The following MTIF2 variants were observed in gnomAD, a reference collection of about 807,000 sequenced individuals.
MTIF2 encodes translation initiation factor IF-2, mitochondrial.
In MTIF2, 71 loss-of-function variants were observed where a neutral mutation model predicts 83.5. The observed-to-expected ratio is 0.85, with a 90% CI of 0.70 to 1.04. The LOEUF is 1.04. Among genes scored for constraint, MTIF2 ranks in the 50% least tolerant of loss-of-function variants. The pLI, the probability that MTIF2 is intolerant of heterozygous loss-of-function variation, is 0.00. For synonymous variants in MTIF2, 319 were observed against 287.1 expected (o/e 1.11, Z -1.12); for missense variants, 957 against 846.5 (o/e 1.13, Z -1.62).
Position 55,260,258 on chromosome 2 carries a change from G to A in MTIF2, c.331+2058C>T, listed in dbSNP as rs538883502. Among the ~76,000 whole-genome samples the A allele has an allele frequency of 4.6e-5, 7 of 152,156 alleles. No homozygotes were observed. In the South Asian group the frequency reaches 1.2e-3, roughly 27 times the overall value. ...CTACTAAAAATACAAAATTAGCCGG[G>A]CGTGGTGGCACATGCCTGTAATCCC... On this transcript the variant is annotated intron_variant, in intron 5 of 15. Transcript: ENST00000263629.
chr2:55,260,182 C>G (rs945012183), intron 5 of MTIF2, among the ~76,000 whole-genome samples: 1 of 151,910 alleles, frequency 6.6e-6, no homozygotes, highest in Admixed American at 6.6e-5. Context: ...GGCGGATCAC[C>G]TGAGGTCGGG....
At chr2:55,245,759 A>T (rs1268963469) in intron 10 of MTIF2, among the ~76,000 whole-genome samples, 1 of 151,896 alleles carries the variant, frequency 6.6e-6, no homozygotes, top group African/African-American at 2.4e-5. Context: ...TTTAAAAAAA[A>T]AATAATTTCT....
intron 3 of MTIF2, among the ~76,000 whole-genome samples, chr2:55,265,129 G>C (rs940571820): frequency 6.6e-6 from 1 of 151,404 alleles, no homozygotes; most frequent in Non-Finnish European, 1.5e-5. Flanking sequence ...TGCAATCCCA[G>C]CTACCCAGAA....
Position 55,243,414 on chromosome 2 carries a change from A to T in MTIF2, c.1564+2T>A. ...TGTAATGTAAAATCTTTAAAAAGATACCTTTAATAATCACAGAAAGTACAT... is the reference window on the plus strand; with the variant it reads ...TGTAATGTAAAATCTTTAAAAAGATTCCTTTAATAATCACAGAAAGTACAT... On this transcript the variant is annotated splice_donor_variant, in intron 12 of 15. Transcript: ENST00000263629. LOFTEE classifies it high-confidence loss of function. 1.3e-6 allele frequency: 2 copies of T among 1,590,920 alleles called. No individual in the cohort carries two copies. The highest frequency in any genetic ancestry group is 1.7e-6 in the Non-Finnish European group (2 of 1,166,072).
At position 55,243,012 on chromosome 2, in the gene MTIF2, C is replaced by T; in HGVS notation, c.1633G>A (p.Glu545Lys). Residue 545 changes from glutamate (E) to lysine (K), a missense_variant, in exon 13 of 16, where the codon GAA becomes AAA. Coordinates refer to ENST00000263629, the MANE Select transcript of MTIF2 (RefSeq NM_002453.3). ...ACTCCAAAATGTACTAATTCTAGTT[C>T]ACACTCGTGTGAAGCATCATAGGTA... ...IDTYDASHEC[E>K]LELVHFGVGD... The T allele has an allele frequency of 6.2e-7, 1 of 1,613,180 alleles. No homozygotes were observed. The highest frequency in any genetic ancestry group is 1.3e-5 in the African/African-American group (1 of 75,014).
At chr2:55,265,520 GT>G (rs1359676788) in intron 3 of MTIF2, among the ~76,000 whole-genome samples, 2 of 151,206 alleles carry the variant, frequency 1.3e-5, no homozygotes, top group East Asian at 1.9e-4. Flanking sequence ...TCATTTTAAG[GT>G]TTTTTTTGTT....
chr2:55,255,770 G>A (rs893656920), intron 5 of MTIF2, among the ~76,000 whole-genome samples: 2 of 152,036 alleles, frequency 1.3e-5, no homozygotes, highest in African/African-American at 2.4e-5. Context: ...CTGAAACAGT[G>A]TCACCTCATT....
At position 55,256,301 on chromosome 2, in the gene MTIF2, T is replaced by C. The variant is rs530682102; in HGVS notation, c.332-1476A>G. On this transcript the variant is annotated intron_variant, in intron 5 of 15. Transcript: ENST00000263629. ...TAGTATGTACAGACATACACACATATACACACACACACACACACACACACA... is the reference window on the plus strand; with the variant it reads ...TAGTATGTACAGACATACACACATACACACACACACACACACACACACACA... Among the ~76,000 whole-genome samples the C allele has an allele frequency of 5.2e-3, 780 of 150,076 alleles. 4 individuals carry two copies. Among genetic ancestry groups the C allele is most frequent in the Non-Finnish European group, 6.5e-3 (439 of 67,436 alleles).
chr2:55,258,500 C>A (rs959732634), intron 5 of MTIF2, among the ~76,000 whole-genome samples: 2 of 151,956 alleles, frequency 1.3e-5, no homozygotes, highest in African/African-American at 4.8e-5. Context: ...GAAACCCCAT[C>A]TCTACCAAAA....
intron 3 of MTIF2, 115 bp from the exon 4 acceptor site, chr2:55,263,980 A>G (rs1406199188): frequency 1.3e-6 from 1 of 769,142 alleles, no homozygotes. Context: ...ACTTACAACA[A>G]TGAGTAAAAC....
chr2:55,243,921 T>C lies in MTIF2; in HGVS notation c.1311+108A>G, dbSNP rs755478105. ...CACAACTTGCATCCTCACAGCCCCT[T>C]ATAATCTAGATTTGTTAACATTAAT... On this transcript the variant is annotated intron_variant, in intron 11 of 15. Transcript: ENST00000263629. 5.7e-5 allele frequency: 61 copies of C among 1,071,352 alleles called. 1 individual carries two copies. Among genetic ancestry groups the C allele is most frequent in the Non-Finnish European group, 7.8e-5 (60 of 766,366 alleles). 66.4% of individuals were successfully genotyped at this position (1,071,352 alleles called of 1,614,324 possible). A position where few individuals can be genotyped will look rare whatever the true frequency, so the allele number is the denominator to read the frequency against.
At chr2:55,266,253 G>A (rs576681821) in intron 3 of MTIF2, 1 of 152,278 alleles carries the variant, frequency 6.6e-6, no homozygotes, top group African/African-American at 2.4e-5. Flanking sequence ...GCCAGGCGCA[G>A]TGGCTCATGC....
At position 55,266,175 on chromosome 2, in the gene MTIF2, G is replaced by A. The variant is rs542841911; in HGVS notation, c.-8+1394C>T. On this transcript the variant is annotated intron_variant, in intron 3 of 15. Transcript: ENST00000263629. ...TGGAAATTATGAACTATTTCAATGC[G>A]TTTACCTTAACCATATAAAGCTATC... is the stretch of plus-strand genomic sequence containing the variant. Among the ~76,000 whole-genome samples the A allele has an allele frequency of 4.6e-5, 7 of 152,074 alleles. No individual in the cohort carries two copies. In the East Asian group the frequency reaches 5.8e-4, roughly 13 times the overall value.
Position 55,238,502 on chromosome 2 carries a change from C to T in MTIF2, c.1871-1074G>A, listed in dbSNP as rs552471808. Reference sequence around the variant, plus strand: ...CGCCTCCTGGGTTCAAGCGATTCTCCTGCCTCAGCCTCCCAAGTAGCTGGG... The same window carrying T: ...CGCCTCCTGGGTTCAAGCGATTCTCTTGCCTCAGCCTCCCAAGTAGCTGGG... On this transcript the variant is annotated intron_variant, in intron 14 of 15. Coordinates refer to ENST00000263629, the MANE Select transcript of MTIF2 (RefSeq NM_002453.3). 3.0e-3 allele frequency among the ~76,000 whole-genome samples: 451 copies of T among 151,640 alleles called. 3 individuals are homozygous for T. The highest frequency in any genetic ancestry group is 0.011 in the African/African-American group (439 of 41,366).
Position 55,240,082 on chromosome 2 carries a change from T to A in MTIF2, c.1799A>T (p.Tyr600Phe). The stretch of plus-strand genomic sequence containing the variant: ...CTCTTGCAAATCTTCAACAAGACGG[T>A]AAATTATTTTGTGAAGTTTAATTTT... ...GVKIKLHKII[Y>F]RLVEDLQEEL... Residue 600 changes from tyrosine to phenylalanine, a missense_variant, in exon 14 of 16, where the codon TAC becomes TTC. This residue lies in a region of MTIF2 where 221 missense variants were observed against 180.6 expected (regional missense o/e 1.22). Coordinates refer to ENST00000263629, the MANE Select transcript of MTIF2 (RefSeq NM_002453.3). 6.2e-7 allele frequency: 1 copy of A among 1,613,888 alleles called. No individual in the cohort carries two copies.
At chr2:55,245,799 G>C (rs1465719754) in intron 10 of MTIF2, among the ~76,000 whole-genome samples, 1 of 152,110 alleles carries the variant, frequency 6.6e-6, no homozygotes, top group Non-Finnish European at 1.5e-5. Context: ...AAGAAGCAGG[G>C]AGCAAAGTGT....
Position 55,262,354 on chromosome 2 carries a change from G to A in MTIF2, c.293C>T (p.Thr98Ile). 6.2e-7 allele frequency: 1 copy of A among 1,613,214 alleles called. No individual in the cohort carries two copies. Among genetic ancestry groups the A allele is most frequent in the Non-Finnish European group, 8.5e-7 (1 of 1,179,740 alleles). Residue 98 changes from threonine to isoleucine, a missense_variant, in exon 5 of 16, where the codon ACT (threonine) becomes ATT (isoleucine). Transcript: ENST00000263629. ...CATTGCCCTGGCCAGTTCCTCAATA[G>A]TCATTCCAATCCATACTTCTACCAC... ...KKVVEVWIGM[T>I]IEELARAMEK...
At chr2:55,256,832 G>A (rs568789497) in intron 5 of MTIF2, among the ~76,000 whole-genome samples, 92 of 151,776 alleles carry the variant, frequency 6.1e-4, no homozygotes, top group African/African-American at 2.1e-3. Context: ...CTCGGCCTCC[G>A]TTATAGCTGG....
At chr2:55,261,679 C>A (rs967581716) in intron 5 of MTIF2, among the ~76,000 whole-genome samples, 2 of 151,658 alleles carry the variant, frequency 1.3e-5, no homozygotes, top group African/African-American at 4.8e-5. Context: ...TGGCTCATAC[C>A]TATAATCCCA....
Sources: gnomAD v4.1 joint callset for allele counts (sites outside exome capture counted in the v4.1 genomes callset) on GRCh38, gnomAD v4.1.1 for gene constraint, gnomAD v4.1.1 regional missense constraint, MANE v1.5 for transcripts, NCBI Gene and HGNC (gene_info 2026-07-23, HGNC 2026-07-21) for gene names.